Variants in CACNA2D2 observed in about 807,000 individuals in gnomAD.
CACNA2D2 encodes calcium voltage-gated channel auxiliary subunit alpha2delta 2, also known as voltage-dependent calcium channel subunit alpha-2/delta-2.
In CACNA2D2, 48 loss-of-function variants were observed where a neutral mutation model predicts 166.4. That is an observed-to-expected ratio of 0.29 (90% CI 0.23 to 0.37). The LOEUF (loss-of-function observed/expected upper bound fraction) is 0.37, where lower values mean the gene tolerates loss of function less well. Among genes scored for constraint, CACNA2D2 ranks in the 10% least tolerant of loss-of-function variants. CACNA2D2 has a pLI of 1.00. For synonymous variants in CACNA2D2, 561 were observed against 573.7 expected (o/e 0.98, Z 0.32); for missense variants, 1,122 against 1,433.0 (o/e 0.78, Z 3.50).
chr3:50,488,616 C>T (rs1048575401), intron 1 of CACNA2D2, among the ~76,000 whole-genome samples: 3 of 150,462 alleles, frequency 2.0e-5, no homozygotes, highest in Non-Finnish European at 3.0e-5. Flanking sequence ...TGGGAGCTCC[C>T]GCCTGCTGCA....
Position 50,367,822 on chromosome 3 carries a change from C to A in CACNA2D2, c.2224G>T (p.Asp742Tyr). 2 of 1,613,388 alleles carry A rather than the reference C, an allele frequency of 1.2e-6. No individual in the cohort carries two copies. The highest frequency in any genetic ancestry group is 1.7e-6 in the Non-Finnish European group (2 of 1,179,746). Reference protein sequence around the residue: ...QLVERVWRDQDLNTYSLLAVF... With the variant: ...QLVERVWRDQYLNTYSLLAVF... ...CTGGGTGATGCCTACGTGTTGAGAT[C>A]CTGGTCCCTCCACACACGCTCTACC... Residue 742 changes from aspartate to tyrosine, a missense_variant, in exon 25 of 38, where the codon GAT becomes TAT. Around this residue, in one of 2 missense-constraint regions of CACNA2D2, gnomAD observed 840 missense variants for 1,166.8 expected, o/e 0.72. Coordinates refer to ENST00000424201, the MANE Select transcript of CACNA2D2 (RefSeq NM_006030.4). The surrounding 1 kb of genome is among the most constrained non-coding windows in gnomAD (Gnocchi z 6.5).
chr3:50,395,864 G>T (rs1345357166), intron 3 of CACNA2D2, among the ~76,000 whole-genome samples: 1 of 152,172 alleles, frequency 6.6e-6, no homozygotes, highest in African/African-American at 2.4e-5. Context: ...GGTGGGGGAG[G>T]CTATGAGGCT....
At chr3:50,392,346 C>G (rs1705927894) in intron 4 of CACNA2D2, among the ~76,000 whole-genome samples, 1 of 152,180 alleles carries the variant, frequency 6.6e-6, no homozygotes, top group African/African-American at 2.4e-5. Context: ...GCTGTGGTAG[C>G]AGCAGTGCTT....
rs367688679 is a variant in CACNA2D2 at position 50,370,900 on chromosome 3, C to T, written c.1985-520G>A. ...TCTCTTTCTTTGCCGCAGCTGTTTG[C>T]GTTTTGGTAGGTCTTGCTTTTGTTC... On this transcript the variant is annotated intron_variant, in intron 22 of 37. Coordinates refer to ENST00000424201, the MANE Select transcript of CACNA2D2 (RefSeq NM_006030.4). 9.9e-5 allele frequency among the ~76,000 whole-genome samples: 15 copies of T among 152,200 alleles called. No individual in the cohort carries two copies. The South Asian group carries it at 2.5e-3, about 25-fold the overall frequency.
At chr3:50,398,636 T>TG (rs1559910491) in intron 3 of CACNA2D2, among the ~76,000 whole-genome samples, 2 of 152,128 alleles carry the variant, frequency 1.3e-5, no homozygotes, top group African/African-American at 2.4e-5. Context: ...CAGCACATCC[T>TG]GGGGGGTAAG....
At chr3:50,491,457 T>C (rs1575776690) in intron 1 of CACNA2D2, among the ~76,000 whole-genome samples, 1 of 152,102 alleles carries the variant, frequency 6.6e-6, no homozygotes, top group African/African-American at 2.4e-5. Context: ...CCAGCCAAGG[T>C]GTGGCTTAAA....
chr3:50,487,502 G>A (rs546660576), intron 1 of CACNA2D2, among the ~76,000 whole-genome samples: 8 of 152,318 alleles, frequency 5.3e-5, no homozygotes, highest in Admixed American at 2.6e-4. Flanking sequence ...CTTAGAGTGC[G>A]CCAAGCTGTA....
At chr3:50,420,884 G>C (rs1707526527) in intron 3 of CACNA2D2, among the ~76,000 whole-genome samples, 1 of 152,184 alleles carries the variant, frequency 6.6e-6, no homozygotes, top group African/African-American at 2.4e-5. Context: ...GGCTGTGAGT[G>C]GGAAAGGCCA....
intron 1 of CACNA2D2, among the ~76,000 whole-genome samples, chr3:50,496,385 A>G (rs1033510825): frequency 9.9e-5 from 15 of 152,264 alleles, no homozygotes; most frequent in African/African-American, 3.6e-4. Flanking sequence ...AGATGTGAAC[A>G]CGTCTGACAC....
chr3:50,452,979 T>C (rs1709175160), intron 2 of CACNA2D2, among the ~76,000 whole-genome samples: 1 of 152,206 alleles, frequency 6.6e-6, no homozygotes, highest in South Asian at 2.1e-4. Flanking sequence ...CCTCTTTGTC[T>C]GAAGATGATG....
At chr3:50,373,235 C>A in intron 22 of CACNA2D2, 1 of 691,540 alleles carries the variant, frequency 1.4e-6, no homozygotes, top group African/African-American at 1.8e-5. Context: ...ATCATCATAC[C>A]GAAAGGAAAC....
chr3:50,500,680 G>A (rs1329916629), intron 1 of CACNA2D2, among the ~76,000 whole-genome samples: 2 of 152,098 alleles, frequency 1.3e-5, no homozygotes, highest in African/African-American at 2.4e-5. Flanking sequence ...GCATACATGT[G>A]TGCAAACATG....
intron 2 of CACNA2D2, among the ~76,000 whole-genome samples, chr3:50,450,165 G>A (rs1709031109): frequency 6.6e-6 from 1 of 152,166 alleles, no homozygotes; most frequent in African/African-American, 2.4e-5. Flanking sequence ...TCACTATACA[G>A]CCCCACCTTC....
intron 3 of CACNA2D2, among the ~76,000 whole-genome samples, chr3:50,411,112 G>C (rs1706993160): frequency 6.6e-6 from 1 of 152,126 alleles, no homozygotes; most frequent in Non-Finnish European, 1.5e-5. Context: ...GGACCTATAG[G>C]CTCCACCACC....
At chr3:50,465,740 A>C (rs1200758526) in intron 2 of CACNA2D2, among the ~76,000 whole-genome samples, 1 of 152,166 alleles carries the variant, frequency 6.6e-6, no homozygotes, top group African/African-American at 2.4e-5. Flanking sequence ...CCTGCCTGCA[A>C]GGCATGCAGA....
intron 1 of CACNA2D2, among the ~76,000 whole-genome samples, chr3:50,491,784 C>T (rs1698534247): frequency 6.6e-6 from 1 of 152,184 alleles, no homozygotes; most frequent in Non-Finnish European, 1.5e-5. Flanking sequence ...TTGGACAGCC[C>T]CAGAGATCCC....
At chr3:50,414,854 G>A (rs1370602033) in intron 3 of CACNA2D2, among the ~76,000 whole-genome samples, 3 of 152,212 alleles carry the variant, frequency 2.0e-5, no homozygotes, top group African/African-American at 4.8e-5. Flanking sequence ...CAGGGCTCCG[G>A]GAGCCCACAA....
At position 50,367,075 on chromosome 3, in the gene CACNA2D2, A is replaced by T; in HGVS notation, c.2436T>A (p.Thr812=). 6.2e-7 allele frequency: 1 copy of T among 1,613,344 alleles called. No individual in the cohort carries two copies. The highest frequency in any genetic ancestry group is 1.1e-5 in the South Asian group (1 of 91,086). The change falls in exon 28 of 38, where the codon ACT becomes ACA. Residue 812 remains threonine, a synonymous_variant. Transcript: ENST00000424201. The surrounding 1 kb of genome is among the most constrained non-coding windows in gnomAD (Gnocchi z 6.5). ...CAGCTGTGCTGACGAGGATGCCCAC[A>T]GTGTCATTCTCCAGCTCCAGCGGCC... The part of the protein sequence containing the change: ...LLRPLELEND[T]VGILVSTAVE...
chr3:50,480,529 C>G (rs966741117), intron 1 of CACNA2D2, among the ~76,000 whole-genome samples: 1 of 151,804 alleles, frequency 6.6e-6, no homozygotes, highest in Non-Finnish European at 1.5e-5. Context: ...GCTGAGGCAG[C>G]TCTGCAGGTA....
Sources: allele counts gnomAD v4.1 joint callset (sites outside exome capture counted in the v4.1 genomes callset), GRCh38; gene constraint gnomAD v4.1.1; regional missense constraint gnomAD v4.1.1; non-coding constraint Gnocchi (gnomAD v3.1); transcripts MANE v1.5; gene names NCBI Gene and HGNC (gene_info 2026-07-23, HGNC 2026-07-21).